CFAP36: variants seen among roughly 807,000 people sequenced by gnomAD.
The protein encoded by CFAP36 is cilia- and flagella-associated protein 36.
In CFAP36, 37 loss-of-function variants were observed where a neutral mutation model predicts 50.5. The observed-to-expected ratio is 0.73, with a 90% confidence interval of 0.56 to 0.96. The LOEUF (loss-of-function observed/expected upper bound fraction) is 0.96, where lower values mean the gene tolerates loss of function less well. Ranked by LOEUF, CFAP36 falls within the 50% of genes least tolerant of loss-of-function variation. CFAP36 has a pLI of 0.00. For missense variants in CFAP36, 407 were observed against 396.2 expected (o/e 1.03, Z -0.23); for synonymous variants, 138 against 128.2 (o/e 1.08, Z -0.52).
At chr2:55,538,882 C>G (rs1279751982) in intron 7 of CFAP36, 2 of 1,483,320 alleles carry the variant, frequency 1.3e-6, no homozygotes, top group African/African-American at 1.4e-5. Context: ...TTTAGAAGAA[C>G]TTCTATAATT....
intron 7 of CFAP36, among the ~76,000 whole-genome samples, chr2:55,540,653 T>G (rs1684614630): frequency 6.6e-6 from 1 of 152,202 alleles, no homozygotes; most frequent in Admixed American, 6.5e-5. Flanking sequence ...TGATTGATAT[T>G]GTATTGAATC....
chr2:55,521,788 C>G (rs890632565), intron 1 of CFAP36, among the ~76,000 whole-genome samples: 1 of 151,812 alleles, frequency 6.6e-6, no homozygotes, highest in East Asian at 1.9e-4. Context: ...CACAACCACG[C>G]CTGGCTGATT....
intron 5 of CFAP36, among the ~76,000 whole-genome samples, chr2:55,535,022 T>G (rs77326146): frequency 6.6e-4 from 101 of 152,264 alleles, no homozygotes; most frequent in African/African-American, 1.9e-3. Context: ...AGGTTTGAGA[T>G]GTAAGGGTGT....
chr2:55,529,031 T>A, intron 4 of CFAP36, 39 bp downstream of exon 4: 1 of 1,216,122 alleles, frequency 8.2e-7, no homozygotes, highest in Non-Finnish European at 1.2e-6. Context: ...ACTAAATGCA[T>A]TTTTTTTTAC....
intron 4 of CFAP36, among the ~76,000 whole-genome samples, chr2:55,531,694 A>G (rs1416764780): frequency 2.0e-5 from 3 of 152,342 alleles, no homozygotes; most frequent in African/African-American, 7.2e-5. Context: ...TTTGTTAGCA[A>G]GACAACAATT....
At chr2:55,529,891 C>A (rs1684310693) in intron 4 of CFAP36, among the ~76,000 whole-genome samples, 1 of 152,102 alleles carries the variant, frequency 6.6e-6, no homozygotes, top group Non-Finnish European at 1.5e-5. Flanking sequence ...CGTGATCCGC[C>A]CGCCTTGGCC....
intron 3 of CFAP36, among the ~76,000 whole-genome samples, chr2:55,524,283 G>A (rs1217860345): frequency 6.6e-6 from 1 of 152,004 alleles, no homozygotes; most frequent in Non-Finnish European, 1.5e-5. Flanking sequence ...TTGATATGGG[G>A]TCTCACTCTA....
At chr2:55,536,045 A>AT (rs1357606576) in intron 6 of CFAP36, 33 of 464,738 alleles carry the variant, frequency 7.1e-5, no homozygotes, top group Admixed American at 9.8e-5. Flanking sequence ...AAGAGTAGTC[A>AT]TTTTTTTTGG....
chr2:55,542,581 A>G (rs1453847315), intron 7 of CFAP36, among the ~76,000 whole-genome samples: 3 of 152,212 alleles, frequency 2.0e-5, no homozygotes, highest in Non-Finnish European at 2.9e-5. Context: ...AAATTAGAGA[A>G]GCTAAGTATT....
At chr2:55,522,936 A>T (rs1383093838) in intron 2 of CFAP36, among the ~76,000 whole-genome samples, 1 of 152,012 alleles carries the variant, frequency 6.6e-6, no homozygotes, top group African/African-American at 2.4e-5. Flanking sequence ...CTTTATAAAA[A>T]TTACAAAAAT....
At chr2:55,538,623 T>A (rs1684555476) in intron 7 of CFAP36, 1 of 590,172 alleles carries the variant, frequency 1.7e-6, no homozygotes, top group Non-Finnish European at 2.9e-6. Flanking sequence ...AAATTATTTT[T>A]GTTGAGTCGG....
chr2:55,526,005 C>T (rs1449486053), intron 3 of CFAP36, among the ~76,000 whole-genome samples: 1 of 152,268 alleles, frequency 6.6e-6, no homozygotes, highest in Non-Finnish European at 1.5e-5. Context: ...GTCCCCTCCC[C>T]AGACCACTCC....
intron 6 of CFAP36, among the ~76,000 whole-genome samples, chr2:55,536,383 G>A (rs973921563): frequency 4.6e-5 from 7 of 151,016 alleles, no homozygotes; most frequent in African/African-American, 1.2e-4. Context: ...TGCCCGCCTC[G>A]GCCTCCCAAA....
intron 4 of CFAP36, among the ~76,000 whole-genome samples, chr2:55,532,217 A>G (rs1218494202): frequency 6.6e-6 from 1 of 152,012 alleles, no homozygotes; most frequent in Non-Finnish European, 1.5e-5. Flanking sequence ...TAAAAAAAAA[A>G]AAAGAAAAAG....
intron 7 of CFAP36, among the ~76,000 whole-genome samples, chr2:55,542,037 G>T (rs756570349): frequency 6.6e-5 from 10 of 152,252 alleles, no homozygotes; most frequent in Non-Finnish European, 1.3e-4. Context: ...GCTACAGATT[G>T]TAAGGAGAAA....
At chr2:55,534,704 G>A (rs755671811) in intron 5 of CFAP36, among the ~76,000 whole-genome samples, 13 of 152,182 alleles carry the variant, frequency 8.5e-5, no homozygotes, top group Non-Finnish European at 1.8e-4. Context: ...CTTGCAGACT[G>A]TGGCCTTGGC....
At chr2:55,544,780 A>ATGTC in intron 9 of CFAP36, 127 bp from the exon 10 acceptor site, 1 of 634,324 alleles carries the variant, frequency 1.6e-6, no homozygotes, top group Non-Finnish European at 2.8e-6. Flanking sequence ...AACCTAGTCT[A>ATGTC]TGTCTGTCTC....
At chr2:55,534,050 AAAATTGCT>A in intron 5 of CFAP36, 90 bp downstream of exon 5, 1 of 623,474 alleles carries the variant, frequency 1.6e-6, no homozygotes, top group South Asian at 2.8e-5. Context: ...ATGAACTAAT[AAAATTGCT>A]AAATTCTCTA....
chr2:55,528,917 A>G lies in CFAP36; in HGVS notation c.322A>G (p.Ile108Val). ...QPVLAAEDFT[I>V]FKAMMVQKNI... is the part of the protein sequence containing the mutation. The stretch of plus-strand genomic sequence containing the variant: ...TGTGTTGGCAGCAGAAGATTTTACT[A>G]TCTTTAAAGCAATGATGGTCCAGAA... Residue 108 changes from isoleucine (I) to valine (V), a missense_variant, in exon 4 of 10, where the codon ATC (isoleucine) becomes GTC (valine). Ile to Val is a conservative substitution (Grantham distance 29, BLOSUM62 3). Transcript: ENST00000349456. 1 of 1,610,944 alleles carries G rather than the reference A, an allele frequency of 6.2e-7. No homozygotes were observed. The highest frequency in any genetic ancestry group is 8.5e-7 in the Non-Finnish European group (1 of 1,178,570).
Sources: allele counts gnomAD v4.1 joint callset (sites outside exome capture counted in the v4.1 genomes callset), GRCh38; gene constraint gnomAD v4.1.1; transcripts MANE v1.5; gene names NCBI Gene and HGNC (gene_info 2026-07-23, HGNC 2026-07-21).